The following UBAP2 variants were observed in gnomAD, a reference collection of about 807,000 sequenced individuals.
The protein encoded by UBAP2 is ubiquitin associated protein 2, also known as ubiquitin-associated protein 2.
A neutral mutation model predicts 139.6 loss-of-function variants in UBAP2; 75 were observed. That is an observed-to-expected ratio of 0.54 (90% CI 0.45 to 0.65). The LOEUF is 0.65. UBAP2 is among the 30% of genes least tolerant of loss of function. The pLI is 0.00. For missense variants in UBAP2, 1,368 were observed against 1,369.6 expected (o/e 1.00, Z 0.02); for synonymous variants, 526 against 526.2 (o/e 1.00, Z 0.01).
In UBAP2 at chr9:33,960,819, CACTT is replaced by C. The variant is rs1351735522; in HGVS notation, c.798+3_798+6del. 6.2e-7 allele frequency: 1 copy of C among 1,608,666 alleles called. No individual in the cohort carries two copies. The highest frequency in any genetic ancestry group is 8.5e-7 in the Non-Finnish European group (1 of 1,176,154). ...AAGAAAGGTCTCATCTGACAGCAAA[CACTT>C]ACATCTTCAGTCCAGTCTTCTGTTG... On this transcript the variant is annotated splice_donor_5th_base_variant and intron_variant, in intron 10 of 28. Coordinates refer to ENST00000379238, the MANE Select transcript of UBAP2 (RefSeq NM_001370062.2).
At chr9:34,003,598 G>A (rs1026448908) in intron 2 of UBAP2, among the ~76,000 whole-genome samples, 1 of 151,942 alleles carries the variant, frequency 6.6e-6, no homozygotes, top group East Asian at 1.9e-4. Context: ...GTACAGATGC[G>A]GTTTCACCAT....
intron 1 of UBAP2, among the ~76,000 whole-genome samples, chr9:34,029,021 T>G (rs1825656597): frequency 6.6e-6 from 1 of 151,854 alleles, no homozygotes; most frequent in Admixed American, 6.6e-5. Context: ...GAGGTTGAGG[T>G]GGTAGGAATC....
In UBAP2 at chr9:33,948,249, G is replaced by A. The variant is rs918019085; in HGVS notation, c.1270+125C>T. 1.8e-5 allele frequency: 14 copies of A among 773,682 alleles called. No individual in the cohort carries two copies. The East Asian group carries it at 3.7e-4, about 21-fold the overall frequency. 47.9% of individuals were successfully genotyped at this position (773,682 alleles called of 1,614,324 possible). A position where few individuals can be genotyped will look rare whatever the true frequency, so the allele number is the denominator to read the frequency against. ...GGAAGACTGATTTAACTGAGAAACT[G>A]CAAGAGTTCTACTAAAAAGAAACAT... is the stretch of plus-strand genomic sequence containing the variant. On this transcript the variant is annotated intron_variant, in intron 13 of 28. Coordinates refer to ENST00000379238, the MANE Select transcript of UBAP2 (RefSeq NM_001370062.2).
chr9:33,932,612 G>A lies in UBAP2; in HGVS notation c.2125C>T (p.Gln709Ter). ...SQLSSSLSSH[Q>*]SSLSAHAALS... Reference sequence around the variant, plus strand: ...GCTGCATGTGCAGAGAGGCTGCTCTGGTGGCTGGAGAGCGAACTAGAAGAC... The same window carrying A: ...GCTGCATGTGCAGAGAGGCTGCTCTAGTGGCTGGAGAGCGAACTAGAAGAC... The change falls in exon 19 of 29, where the codon CAG becomes TAG. Residue 709 changes from glutamine to a stop codon, truncating the protein, a stop_gained. Transcript: ENST00000379238. LOFTEE classifies it high-confidence loss of function. 1 of 1,614,066 alleles carries A rather than the reference G, an allele frequency of 6.2e-7. No individual in the cohort carries two copies. The highest frequency in any genetic ancestry group is 8.5e-7 in the Non-Finnish European group (1 of 1,180,030).
At chr9:33,988,858 G>T in intron 5 of UBAP2, 115 bp downstream of exon 5, 1 of 1,165,406 alleles carries the variant, frequency 8.6e-7, no homozygotes, top group South Asian at 1.6e-5. Flanking sequence ...GAAAAAATTT[G>T]AGAAAGCTGA....
chr9:33,926,945 G>A (rs1823487895), intron 21 of UBAP2, 44 bp downstream of exon 21: 2 of 1,590,118 alleles, frequency 1.3e-6, no homozygotes, highest in Non-Finnish European at 8.6e-7. Flanking sequence ...CAGCCCCCGA[G>A]GCCAGGGGAG....
intron 1 of UBAP2, among the ~76,000 whole-genome samples, chr9:34,034,269 T>G (rs1296905902): frequency 6.6e-6 from 1 of 152,228 alleles, no homozygotes; most frequent in African/African-American, 2.4e-5. Flanking sequence ...TTCAGAAGTT[T>G]TTCATTATAG....
chr9:33,954,475 T>C lies in UBAP2; in HGVS notation c.867-1001A>G, dbSNP rs913220908. The stretch of plus-strand genomic sequence containing the variant: ...AACTCTTTTCTAAACTTACCTAGTG[T>C]AGTAGGACCTGCCAGATGCACCGTA... On this transcript the variant is annotated intron_variant, in intron 11 of 28. Coordinates refer to ENST00000379238, the MANE Select transcript of UBAP2 (RefSeq NM_001370062.2). Among the ~76,000 whole-genome samples, 2 of 152,176 alleles carry C rather than the reference T, an allele frequency of 1.3e-5. 1 individual carries two copies. Among genetic ancestry groups the C allele is most frequent in the Admixed American group, 1.3e-4 (2 of 15,276 alleles).
At chr9:33,948,038 A>G (rs1275489108) in intron 13 of UBAP2, among the ~76,000 whole-genome samples, 1 of 151,280 alleles carries the variant, frequency 6.6e-6, no homozygotes, top group Non-Finnish European at 1.5e-5. Flanking sequence ...ATGTTCTATC[A>G]CCACCCTCTT....
chr9:34,022,433 CTTTTTTT>C (rs11387718), intron 1 of UBAP2, among the ~76,000 whole-genome samples: 29 of 112,352 alleles, frequency 2.6e-4, no homozygotes, highest in East Asian at 1.3e-3. Context: ...AGCAAGACCC[CTTTTTTT>C]TTTTTTTTTT....
chr9:33,939,780 A>G (rs1191381954), intron 16 of UBAP2, among the ~76,000 whole-genome samples: 1 of 22,814 alleles, frequency 4.4e-5, no homozygotes, highest in African/African-American at 1.9e-4. Flanking sequence ...GAGGAAGGGG[A>G]GGAGGAAGGG....
At chr9:33,959,211 A>G (rs1826825840) in intron 10 of UBAP2, among the ~76,000 whole-genome samples, 1 of 152,178 alleles carries the variant, frequency 6.6e-6, no homozygotes, top group Non-Finnish European at 1.5e-5. Flanking sequence ...TATCTATGGT[A>G]GTGGGTTGTT....
At chr9:34,039,252 C>G (rs937464356) in intron 1 of UBAP2, among the ~76,000 whole-genome samples, 508 of 150,344 alleles carry the variant, frequency 3.4e-3, no homozygotes, top group Admixed American at 5.3e-3. Flanking sequence ...CTCCGCCTGG[C>G]CGCCGCCCCG....
At chr9:33,988,182 G>A (rs1205362877) in intron 5 of UBAP2, among the ~76,000 whole-genome samples, 1 of 151,598 alleles carries the variant, frequency 6.6e-6, no homozygotes, top group African/African-American at 2.4e-5. Context: ...TTTCTTTATT[G>A]TTACATCCCA....
intron 1 of UBAP2, among the ~76,000 whole-genome samples, chr9:34,022,173 A>G (rs1163494172): frequency 2.6e-5 from 4 of 151,964 alleles, no homozygotes; most frequent in African/African-American, 9.7e-5. Context: ...TGAAGCCAGG[A>G]GGAGGAGGTT....
At chr9:33,930,694 G>A (rs995816029) in intron 19 of UBAP2, among the ~76,000 whole-genome samples, 4 of 152,072 alleles carry the variant, frequency 2.6e-5, no homozygotes, top group Non-Finnish European at 4.4e-5. Flanking sequence ...TCAGGAGTTT[G>A]AGACCAGTCT....
chr9:34,048,294 T>C (rs566323926), intron 1 of UBAP2, among the ~76,000 whole-genome samples: 2 of 152,238 alleles, frequency 1.3e-5, no homozygotes, highest in South Asian at 2.1e-4. Context: ...TGAGTCCCAA[T>C]TGAGACCAAT....
At chr9:34,033,120 A>G (rs532863848) in intron 1 of UBAP2, among the ~76,000 whole-genome samples, 2 of 152,198 alleles carry the variant, frequency 1.3e-5, no homozygotes, top group African/African-American at 2.4e-5. Context: ...TGCTGGGTAT[A>G]TACCCAAAAT....
In UBAP2 at chr9:33,960,792, A is replaced by G. The variant is rs143120629; in HGVS notation, c.798+34T>C. 1.1e-3 allele frequency: 1,707 copies of G among 1,588,502 alleles called. 14 individuals carry two copies. In the East Asian group the frequency reaches 0.03, roughly 28 times the overall value. ...TGAAATTCCATTTCAAAAAAAAAAA[A>G]AAAGAAAGGTCTCATCTGACAGCAA... is the stretch of plus-strand genomic sequence containing the variant. On this transcript the variant is annotated intron_variant, in intron 10 of 28. Coordinates refer to ENST00000379238, the MANE Select transcript of UBAP2 (RefSeq NM_001370062.2).
Sources: gnomAD v4.1 joint callset for allele counts (sites outside exome capture counted in the v4.1 genomes callset) on GRCh38, gnomAD v4.1.1 for gene constraint, MANE v1.5 for transcripts, NCBI Gene and HGNC (gene_info 2026-07-23, HGNC 2026-07-21) for gene names.